PPIG: variants seen among roughly 807,000 people sequenced by gnomAD.
PPIG encodes the protein peptidylprolyl isomerase G.
Under a neutral mutation model 87.9 loss-of-function variants are expected in PPIG, and 26 were observed. The observed-to-expected ratio is 0.30, with a 90% CI of 0.22 to 0.41. The LOEUF is 0.41. PPIG is among the 10% of genes least tolerant of loss of function. The pLI is 1.00. For synonymous variants in PPIG, 308 were observed against 276.5 expected, an observed-to-expected ratio of 1.11 and a Z score of -1.13; for missense variants, 722 against 879.4, an observed-to-expected ratio of 0.82 and a Z score of 2.26.
chr2:169,630,814 T>A lies in PPIG; in HGVS notation c.588T>A (p.Ser196=). The change falls in exon 10 of 14, where the codon TCT becomes TCA. Residue 196 remains serine, a synonymous_variant. Coordinates refer to ENST00000260970, the MANE Select transcript of PPIG (RefSeq NM_004792.3). ...AGAAAAGGCATAAATCATCATCATC[T>A]TCCTCCTCCTCATCTAGTGACTCAG... ...EEKKRHKSSS[S]SSSSSSDSDS... 1 of 1,610,586 alleles carries A rather than the reference T, an allele frequency of 6.2e-7. No homozygotes were observed.
Position 169,637,477 on chromosome 2 carries a change from T to C in PPIG, c.2219T>C (p.Phe740Ser). ...CATGTACATGAAAAAAATAAAAAAT[T>C]TGATCATGAATCAAGCCCTGGAACA... ...NDHVHEKNKKFDHESSPGTDE... is the reference protein window; with the variant it reads ...NDHVHEKNKKSDHESSPGTDE... Residue 740 changes from phenylalanine to serine, a missense_variant, in exon 14 of 14, where the codon TTT becomes TCT. Physicochemically the swap from Phe to Ser is radical, Grantham distance 155. Around this residue, in one of 4 missense-constraint regions of PPIG, gnomAD observed 476 missense variants for 483.1 expected, o/e 0.99. Transcript: ENST00000260970. 6.2e-7 allele frequency: 1 copy of C among 1,603,704 alleles called. No individual in the cohort carries two copies. The highest frequency in any genetic ancestry group is 8.5e-7 in the Non-Finnish European group (1 of 1,177,860).
chr2:169,616,943 A>G (rs1177879812), intron 9 of PPIG, among the ~76,000 whole-genome samples: 8 of 152,028 alleles, frequency 5.3e-5, no homozygotes, highest in Admixed American at 5.2e-4. Context: ...CCTGAATGGT[A>G]TTGCCTAGGT....
At chr2:169,626,791 C>G (rs1685898977) in intron 9 of PPIG, among the ~76,000 whole-genome samples, 1 of 151,396 alleles carries the variant, frequency 6.6e-6, no homozygotes, top group South Asian at 2.1e-4. Context: ...CTCACTGCAA[C>G]CTCTGCCTCC....
intron 9 of PPIG, among the ~76,000 whole-genome samples, chr2:169,625,973 G>A (rs1685869911): frequency 6.6e-6 from 1 of 152,136 alleles, no homozygotes; most frequent in Admixed American, 6.5e-5. Context: ...AGCTCCAGTG[G>A]TAAGGCTTGC....
chr2:169,609,660 C>G (rs971039400), intron 7 of PPIG, among the ~76,000 whole-genome samples: 25 of 152,042 alleles, frequency 1.6e-4, no homozygotes, highest in African/African-American at 5.1e-4. Context: ...AACCAGCAGT[C>G]TACACTGATA....
At chr2:169,607,849 C>G (rs921509173) in intron 6 of PPIG, among the ~76,000 whole-genome samples, 12 of 152,122 alleles carry the variant, frequency 7.9e-5, no homozygotes, top group Non-Finnish European at 1.6e-4. Context: ...AGAATCTAAT[C>G]TGGACTGTCT....
chr2:169,621,520 A>G (rs1162385824), intron 9 of PPIG, among the ~76,000 whole-genome samples: 1 of 152,122 alleles, frequency 6.6e-6, no homozygotes, highest in Non-Finnish European at 1.5e-5. Flanking sequence ...GATGTTGAGA[A>G]TCTTTGAGTA....
intron 1 of PPIG, among the ~76,000 whole-genome samples, chr2:169,598,998 A>G (rs1486281140): frequency 6.6e-6 from 1 of 151,862 alleles, no homozygotes; most frequent in African/African-American, 2.4e-5. Context: ...TACTACTACA[A>G]ATTATGGTAC....
intron 1 of PPIG, among the ~76,000 whole-genome samples, chr2:169,603,356 A>G (rs1685235289): frequency 6.6e-6 from 1 of 152,170 alleles, no homozygotes; most frequent in Non-Finnish European, 1.5e-5. Flanking sequence ...TAAAGCTGTT[A>G]CACAGAGTAT....
intron 9 of PPIG, among the ~76,000 whole-genome samples, chr2:169,627,747 T>C (rs1040132777): frequency 1.3e-4 from 19 of 146,040 alleles, no homozygotes; most frequent in African/African-American, 4.8e-4. Context: ...CTAAATGGGC[T>C]TGCTTTTAAA....
At chr2:169,587,578 A>G (rs1219931217) in intron 1 of PPIG, among the ~76,000 whole-genome samples, 2 of 152,140 alleles carry the variant, frequency 1.3e-5, no homozygotes, top group African/African-American at 4.8e-5. Flanking sequence ...TTCAATTTTC[A>G]TGTTGCTTAA....
intron 12 of PPIG, chr2:169,633,559 T>G: frequency 2.3e-6 from 1 of 428,790 alleles, no homozygotes; most frequent in Non-Finnish European, 4.0e-6. Context: ...ATTAACCCTA[T>G]TCTTGTATTT....
At chr2:169,621,768 A>G (rs941792233) in intron 9 of PPIG, among the ~76,000 whole-genome samples, 2 of 150,434 alleles carry the variant, frequency 1.3e-5, no homozygotes, top group Non-Finnish European at 3.0e-5. Context: ...GTCTTTAAGG[A>G]CACTTGTGTT....
intron 1 of PPIG, among the ~76,000 whole-genome samples, chr2:169,595,064 G>A (rs1452717828): frequency 6.6e-6 from 1 of 152,074 alleles, no homozygotes; most frequent in Non-Finnish European, 1.5e-5. Flanking sequence ...GAGTAACTGG[G>A]ATTACAGGTG....
At position 169,604,173 on chromosome 2, in the gene PPIG, A is replaced by T; in HGVS notation, c.62-14A>T. The T allele has an allele frequency of 6.2e-7, 1 of 1,612,568 alleles. No individual in the cohort carries two copies. Among genetic ancestry groups the T allele is most frequent in the East Asian group, 2.2e-5 (1 of 44,854 alleles). On this transcript the variant is annotated splice_polypyrimidine_tract_variant and intron_variant, in intron 3 of 13. Transcript: ENST00000260970. ...AATTAGTAAAGAAGTTTAACCAACT[A>T]CCTTCTTTTTCAGCTGGAAGAGTTG...
intron 9 of PPIG, among the ~76,000 whole-genome samples, chr2:169,630,340 A>G (rs987960136): frequency 1.3e-5 from 2 of 152,154 alleles, no homozygotes; most frequent in African/African-American, 4.8e-5. Context: ...AGCCCATGCC[A>G]GTGAAATCCA....
intron 9 of PPIG, among the ~76,000 whole-genome samples, chr2:169,625,158 C>T (rs1158290251): frequency 6.6e-6 from 1 of 152,220 alleles, no homozygotes; most frequent in Non-Finnish European, 1.5e-5. Flanking sequence ...TAACTGTTCT[C>T]ACCATGCTAT....
intron 1 of PPIG, among the ~76,000 whole-genome samples, chr2:169,593,729 G>T (rs1574436160): frequency 7.1e-6 from 1 of 140,362 alleles, no homozygotes; most frequent in Non-Finnish European, 1.5e-5. Context: ...TCGGCTCACT[G>T]CAAGCTTCAC....
intron 9 of PPIG, among the ~76,000 whole-genome samples, chr2:169,617,242 A>G (rs1422442057): frequency 6.6e-6 from 1 of 152,180 alleles, no homozygotes; most frequent in African/African-American, 2.4e-5. Flanking sequence ...TACCAGTACC[A>G]TGCTGTTTTG....
Sources: gnomAD v4.1 joint callset for allele counts (sites outside exome capture counted in the v4.1 genomes callset) on GRCh38, gnomAD v4.1.1 for gene constraint, gnomAD v4.1.1 regional missense constraint, MANE v1.5 for transcripts, NCBI Gene and HGNC (gene_info 2026-07-23, HGNC 2026-07-21) for gene names.